Variants in DOK6 observed in about 807,000 individuals in gnomAD.
DOK6 encodes the protein docking protein 6, also known as downstream of tyrosine kinase 6.
A neutral mutation model predicts 44.0 loss-of-function variants in DOK6; 22 were observed. The observed-to-expected ratio is 0.50, with a 90% CI of 0.36 to 0.71. The LOEUF (loss-of-function observed/expected upper bound fraction) is 0.71, where lower values mean the gene tolerates loss of function less well. Among genes scored for constraint, DOK6 ranks in the 30% least tolerant of loss-of-function variants. The pLI, the probability that DOK6 is intolerant of heterozygous loss-of-function variation, is 0.00. For synonymous variants in DOK6, 166 were observed against 145.5 expected (o/e 1.14, Z -1.01); for missense variants, 340 against 416.4 (o/e 0.82, Z 1.60).
At chr18:69,688,498 T>C (rs1986198007) in intron 4 of DOK6, among the ~76,000 whole-genome samples, 1 of 152,108 alleles carries the variant, frequency 6.6e-6, no homozygotes, top group Non-Finnish European at 1.5e-5. Context: ...ACAGAAGAAA[T>C]AGACACACAC....
At chr18:69,406,586 C>T (rs1264981692) in intron 1 of DOK6, among the ~76,000 whole-genome samples, 1 of 152,088 alleles carries the variant, frequency 6.6e-6, no homozygotes, top group Non-Finnish European at 1.5e-5. Flanking sequence ...AAATGGCATT[C>T]CTTTTCTTAG....
chr18:69,495,822 A>G (rs368313287), intron 1 of DOK6, among the ~76,000 whole-genome samples: 1 of 152,170 alleles, frequency 6.6e-6, no homozygotes, highest in Non-Finnish European at 1.5e-5. Context: ...TATGCTCATC[A>G]GCACCCAAAG....
chr18:69,481,625 T>G (rs1249418309), intron 1 of DOK6, among the ~76,000 whole-genome samples: 2 of 152,178 alleles, frequency 1.3e-5, no homozygotes, highest in Non-Finnish European at 2.9e-5. Flanking sequence ...TCTATCATTG[T>G]TGGACATTTG....
intron 1 of DOK6, among the ~76,000 whole-genome samples, chr18:69,530,828 T>C (rs2144572974): frequency 6.6e-6 from 1 of 152,276 alleles, no homozygotes; most frequent in Middle Eastern, 3.4e-3. Context: ...TTATTAACTT[T>C]CTGTCTCGTT....
At chr18:69,738,044 T>C (rs2144736986) in intron 5 of DOK6, among the ~76,000 whole-genome samples, 1 of 152,312 alleles carries the variant, frequency 6.6e-6, no homozygotes, top group East Asian at 1.9e-4. Flanking sequence ...TGTGTGAATT[T>C]TATTAAGATC....
intron 3 of DOK6, among the ~76,000 whole-genome samples, chr18:69,649,599 A>C (rs1985170820): frequency 6.6e-6 from 1 of 152,224 alleles, no homozygotes; most frequent in South Asian, 2.1e-4. Flanking sequence ...GAGTCTTAAC[A>C]GACTTTATAA....
chr18:69,512,218 G>A (rs17187094), intron 1 of DOK6, among the ~76,000 whole-genome samples: 6,512 of 150,680 alleles, frequency 0.043, 208 homozygotes, highest in Admixed American at 0.096. Flanking sequence ...AAAAGGGCAA[G>A]AAACCATACT....
chr18:69,779,453 T>TAC (rs36016822), intron 7 of DOK6, among the ~76,000 whole-genome samples: 20,421 of 148,632 alleles, frequency 0.14, 1,408 homozygotes, highest in Middle Eastern at 0.24. Flanking sequence ...ACACACAGTC[T>TAC]ACACACACAC....
intron 7 of DOK6, among the ~76,000 whole-genome samples, chr18:69,803,021 A>G (rs867932628): frequency 1.3e-5 from 2 of 152,122 alleles, no homozygotes; most frequent in Admixed American, 6.6e-5. Flanking sequence ...AATGATAATT[A>G]GTAGCTATTA....
At chr18:69,665,096 G>A (rs1302811325) in intron 3 of DOK6, among the ~76,000 whole-genome samples, 2 of 151,954 alleles carry the variant, frequency 1.3e-5, no homozygotes, top group Admixed American at 6.6e-5. Context: ...CAGAAGAATC[G>A]CTTGAACACG....
At chr18:69,627,081 C>T (rs1217987817) in intron 3 of DOK6, among the ~76,000 whole-genome samples, 1 of 152,144 alleles carries the variant, frequency 6.6e-6, no homozygotes, top group Non-Finnish European at 1.5e-5. Context: ...GTGAGACGGG[C>T]AGTCATTGAA....
intron 7 of DOK6, among the ~76,000 whole-genome samples, chr18:69,839,560 A>C (rs1982153026): frequency 6.6e-6 from 1 of 152,200 alleles, no homozygotes. Context: ...TCTTGCAGGA[A>C]AGAAGATGCA....
At chr18:69,745,962 T>G (rs1163930409) in intron 6 of DOK6, among the ~76,000 whole-genome samples, 2 of 152,258 alleles carry the variant, frequency 1.3e-5, no homozygotes, top group African/African-American at 2.4e-5. Flanking sequence ...ATTTACATTT[T>G]TTTAATTTAG....
intron 1 of DOK6, among the ~76,000 whole-genome samples, chr18:69,488,450 A>G (rs1980644756): frequency 6.6e-6 from 1 of 152,078 alleles, no homozygotes; most frequent in Admixed American, 6.5e-5. Context: ...CTGCTGCCTC[A>G]ACGTTCTTGT....
chr18:69,490,812 C>T (rs1407902731), intron 1 of DOK6, among the ~76,000 whole-genome samples: 3 of 151,936 alleles, frequency 2.0e-5, no homozygotes, highest in Admixed American at 6.6e-5. Context: ...TTATTTAAAG[C>T]CTTGTATTGG....
At chr18:69,774,010 C>T (rs1979966462) in intron 7 of DOK6, among the ~76,000 whole-genome samples, 1 of 148,774 alleles carries the variant, frequency 6.7e-6, no homozygotes, top group Non-Finnish European at 1.5e-5. Context: ...GGAACTAACA[C>T]AAATGCCCAT....
In DOK6 at chr18:69,566,893, GCAGCCCTT is replaced by G. The variant is rs147258581; in HGVS notation, c.174+2301_174+2308del. ...GGGTCATCTCTAGGAGGCATGTGGAGCAGCCCTTCCTCCTTATTTTATATTCTCTTGAT... is the reference window on the plus strand; with the variant it reads ...GGGTCATCTCTAGGAGGCATGTGGAGCCTCCTTATTTTATATTCTCTTGAT... On this transcript the variant is annotated intron_variant, in intron 2 of 7. Coordinates refer to ENST00000382713, the MANE Select transcript of DOK6 (RefSeq NM_152721.6). Among the ~76,000 whole-genome samples the G allele has an allele frequency of 2.6e-3, 396 of 152,278 alleles. 8 individuals are homozygous for G. The East Asian group carries it at 0.033, about 13-fold the overall frequency.
chr18:69,490,897 G>A (rs1467609028), intron 1 of DOK6, among the ~76,000 whole-genome samples: 2 of 152,224 alleles, frequency 1.3e-5, no homozygotes, highest in Non-Finnish European at 2.9e-5. Context: ...GGTGATATGT[G>A]TGTGCTTATT....
chr18:69,636,770 T>A (rs546274133), intron 3 of DOK6, among the ~76,000 whole-genome samples: 1 of 152,298 alleles, frequency 6.6e-6, no homozygotes, highest in African/African-American at 2.4e-5. Flanking sequence ...CTACCAGAAA[T>A]ACAATGATTA....
Sources: allele counts gnomAD v4.1 joint callset (sites outside exome capture counted in the v4.1 genomes callset), GRCh38; gene constraint gnomAD v4.1.1; transcripts MANE v1.5; gene names NCBI Gene and HGNC (gene_info 2026-07-23, HGNC 2026-07-21).